The following BMP5 variants were observed in gnomAD, a reference collection of about 807,000 sequenced individuals.
BMP5 encodes bone morphogenetic protein 5.
Under a neutral mutation model 46.6 loss-of-function variants are expected in BMP5, and 23 were observed. The ratio of observed to expected loss-of-function variants is 0.49; its 90% confidence interval spans 0.35 to 0.70. BMP5 has a LOEUF of 0.70. Ranked by LOEUF, BMP5 falls within the 30% of genes least tolerant of loss-of-function variation. The pLI is 0.00. For missense variants in BMP5, 545 were observed against 565.6 expected (o/e 0.96, Z 0.37); for synonymous variants, 204 against 191.9 (o/e 1.06, Z -0.52).
chr6:55,811,753 C>G (rs1886056), intron 2 of BMP5, among the ~76,000 whole-genome samples: 53,005 of 151,316 alleles, frequency 0.35, 11,638 homozygotes, highest in African/African-American at 0.62. Context: ...CCTATGGAAA[C>G]TTCCTACTCT....
At chr6:55,794,240 A>G in intron 3 of BMP5, 39 bp downstream of exon 3, 1 of 1,611,586 alleles carries the variant, frequency 6.2e-7, no homozygotes, top group Non-Finnish European at 8.5e-7. Context: ...AATGTGTCAA[A>G]CAAGCTTCAC....
chr6:55,756,749 A>T (rs1387124566), intron 6 of BMP5, among the ~76,000 whole-genome samples: 1 of 151,986 alleles, frequency 6.6e-6, no homozygotes, highest in African/African-American at 2.4e-5. Context: ...TCACAAAACT[A>T]AAAGTTGGAT....
rs115281861 is a variant in BMP5 at position 55,837,048 on chromosome 6, G to A, written c.491-17201C>T. 6.9e-3 allele frequency among the ~76,000 whole-genome samples: 1,040 copies of A among 151,114 alleles called. 12 individuals are homozygous for A. Among genetic ancestry groups the A allele is most frequent in the African/African-American group, 0.024 (997 of 40,848 alleles). Reference sequence around the variant, plus strand: ...TTATGTAACTAGAAAAAGTTTTAAAGTAACTTTTTTTTTTTTTTCCTGAGA... The same window carrying A: ...TTATGTAACTAGAAAAAGTTTTAAAATAACTTTTTTTTTTTTTTCCTGAGA... On this transcript the variant is annotated intron_variant, in intron 1 of 6. Coordinates refer to ENST00000370830, the MANE Select transcript of BMP5 (RefSeq NM_021073.4).
chr6:55,808,008 G>A (rs1195094930), intron 2 of BMP5, among the ~76,000 whole-genome samples: 2 of 152,180 alleles, frequency 1.3e-5, no homozygotes, highest in Non-Finnish European at 2.9e-5. Context: ...TTCCTTGATG[G>A]AGGAGGTGTA....
chr6:55,797,777 C>T (rs563414014), intron 2 of BMP5, among the ~76,000 whole-genome samples: 47 of 151,890 alleles, frequency 3.1e-4, no homozygotes, highest in African/African-American at 7.2e-4. Context: ...CCACCACGCC[C>T]GGCTAATTTT....
chr6:55,795,001 A>G (rs1775672626), intron 2 of BMP5, among the ~76,000 whole-genome samples: 2 of 152,156 alleles, frequency 1.3e-5, no homozygotes, highest in African/African-American at 2.4e-5. Flanking sequence ...GGCACAATCT[A>G]TGAGAACTTT....
chr6:55,852,593 T>C (rs1168081258), intron 1 of BMP5, among the ~76,000 whole-genome samples: 2 of 152,134 alleles, frequency 1.3e-5, no homozygotes, highest in African/African-American at 2.4e-5. Context: ...TCCATTGTGT[T>C]TTTATTTTTA....
At chr6:55,804,708 G>A (rs917732876) in intron 2 of BMP5, among the ~76,000 whole-genome samples, 4 of 151,994 alleles carry the variant, frequency 2.6e-5, no homozygotes, top group African/African-American at 9.7e-5. Flanking sequence ...TGCATTGAGG[G>A]GTGAATTAAC....
chr6:55,833,308 C>T (rs1408038547), intron 1 of BMP5, among the ~76,000 whole-genome samples: 1 of 152,162 alleles, frequency 6.6e-6, no homozygotes, highest in East Asian at 1.9e-4. Flanking sequence ...ACTTAAAGTT[C>T]TGCTTCATTT....
At chr6:55,853,351 T>C (rs2127550751) in intron 1 of BMP5, among the ~76,000 whole-genome samples, 1 of 141,134 alleles carries the variant, frequency 7.1e-6, no homozygotes, top group Middle Eastern at 3.5e-3. Context: ...TTTCTCTCTC[T>C]CTCTCTCTCT....
At chr6:55,780,265 A>G (rs140828753) in intron 3 of BMP5, among the ~76,000 whole-genome samples, 1 of 151,886 alleles carries the variant, frequency 6.6e-6, no homozygotes, top group Non-Finnish European at 1.5e-5. Context: ...AAGGGCTATT[A>G]TTAGTAGCAG....
chr6:55,770,533 G>A (rs1020921142), intron 4 of BMP5, among the ~76,000 whole-genome samples: 5 of 151,832 alleles, frequency 3.3e-5, no homozygotes, highest in Non-Finnish European at 7.4e-5. Context: ...GCAAGAAAAC[G>A]ATTTCGCTTT....
rs754066382 is a variant in BMP5 at position 55,760,440 on chromosome 6, T to A, written c.1104+17A>T. The A allele has an allele frequency of 6.2e-7, 1 of 1,610,182 alleles. No homozygotes were observed. The highest frequency in any genetic ancestry group is 1.3e-5 in the African/African-American group (1 of 74,816). On this transcript the variant is annotated intron_variant, in intron 5 of 6. Coordinates refer to ENST00000370830, the MANE Select transcript of BMP5 (RefSeq NM_021073.4). Reference sequence around the variant, plus strand: ...TAATTCAGAAAAGAAGCACCAAAGTTGACTGAAAATTCCTACCTGCCATCC... The same window carrying A: ...TAATTCAGAAAAGAAGCACCAAAGTAGACTGAAAATTCCTACCTGCCATCC...
chr6:55,825,378 T>C (rs1355183292), intron 1 of BMP5, among the ~76,000 whole-genome samples: 2 of 151,818 alleles, frequency 1.3e-5, no homozygotes, highest in African/African-American at 4.8e-5. Flanking sequence ...TAAAAAGTGG[T>C]AACATCAAAG....
chr6:55,780,606 T>C (rs1019297597), intron 3 of BMP5, among the ~76,000 whole-genome samples: 2 of 152,102 alleles, frequency 1.3e-5, no homozygotes, highest in Non-Finnish European at 2.9e-5. Flanking sequence ...AGAGATTTTT[T>C]AAAGTGTTGA....
At chr6:55,821,614 G>C (rs142512622) in intron 1 of BMP5, among the ~76,000 whole-genome samples, 2 of 152,206 alleles carry the variant, frequency 1.3e-5, no homozygotes, top group African/African-American at 4.8e-5. Context: ...CCTAAGAAAG[G>C]TCCATTTCCA....
At chr6:55,861,874 A>G (rs541006773) in intron 1 of BMP5, among the ~76,000 whole-genome samples, 3 of 152,362 alleles carry the variant, frequency 2.0e-5, no homozygotes, top group African/African-American at 7.2e-5. Flanking sequence ...GCAGCACAGC[A>G]TATCAGTGAA....
At chr6:55,822,587 A>T (rs578132592) in intron 1 of BMP5, among the ~76,000 whole-genome samples, 2 of 152,134 alleles carry the variant, frequency 1.3e-5, no homozygotes, top group Admixed American at 6.6e-5. Context: ...TATATTTAAA[A>T]TTTTAACCAA....
intron 2 of BMP5, among the ~76,000 whole-genome samples, chr6:55,803,326 CA>C (rs1369776765): frequency 1.3e-5 from 2 of 151,130 alleles, no homozygotes; most frequent in Non-Finnish European, 3.0e-5. Context: ...AAAAAAAAAA[CA>C]GGAAGAAGTT....
Sources: allele counts gnomAD v4.1 joint callset (sites outside exome capture counted in the v4.1 genomes callset), GRCh38; gene constraint gnomAD v4.1.1; transcripts MANE v1.5; gene names NCBI Gene and HGNC (gene_info 2026-07-23, HGNC 2026-07-21).